Variants in ZSWIM1 observed in about 807,000 individuals in gnomAD.
The protein encoded by ZSWIM1 is zinc finger SWIM-type containing 1, also known as zinc finger SWIM domain-containing protein 1.
In ZSWIM1, 22 loss-of-function variants were observed where a neutral mutation model predicts 29.3. The ratio of observed to expected loss-of-function variants is 0.75; its 90% confidence interval spans 0.54 to 1.07. ZSWIM1 has a LOEUF of 1.07. ZSWIM1 is among the 50% of genes least tolerant of loss of function. The pLI is 0.00. For synonymous variants in ZSWIM1, 228 were observed against 240.8 expected (o/e 0.95, Z 0.49); for missense variants, 511 against 596.2 (o/e 0.86, Z 1.49).
rs1314299017 is a variant in ZSWIM1 at position 45,882,875 on chromosome 20, T to G, written c.283T>G (p.Phe95Val). ...CCCAAGGGGTAAGGTCTTATATACC[T>G]TCCTGGTGGATGGACCTCGGGTGCA... is the stretch of plus-strand genomic sequence containing the variant. ...YNPRGKVLYT[F>V]LVDGPRVQLE... is the part of the protein sequence containing the mutation. The change falls in exon 2 of 2, where the codon TTC (phenylalanine) becomes GTC (valine). Residue 95 changes from phenylalanine (F) to valine (V), a missense_variant. Physicochemically the swap from Phe to Val is conservative, Grantham distance 50. Coordinates refer to ENST00000372523, the MANE Select transcript of ZSWIM1 (RefSeq NM_080603.5). The G allele has an allele frequency of 1.2e-6, 2 of 1,614,230 alleles. No individual in the cohort carries two copies. Among genetic ancestry groups the G allele is most frequent in the Non-Finnish European group, 1.7e-6 (2 of 1,180,036 alleles).
chr20:45,883,593 G>T lies in ZSWIM1; in HGVS notation c.1001G>T (p.Cys334Phe). The change falls in exon 2 of 2, where the codon TGC becomes TTC. Residue 334 changes from cysteine (C) to phenylalanine (F), a missense_variant. Cys to Phe is a radical substitution (Grantham distance 205, BLOSUM62 -2). Transcript: ENST00000372523. ...ATCCAGCACTCCCTCAATGCCATCT[G>T]CACAGGGCCAGCAGCCCAACTGTGC... ...SHIQHSLNAI[C>F]TGPAAQLCLG... 1.2e-6 allele frequency: 2 copies of T among 1,614,248 alleles called. No individual in the cohort carries two copies. The highest frequency in any genetic ancestry group is 3.3e-5 in the Admixed American group (2 of 60,032).
At position 45,883,255 on chromosome 20, in the gene ZSWIM1, C is replaced by T; in HGVS notation, c.663C>T (p.Ile221=). ...TGTATACACTCCTGAGCAACTGCAT[C>T]CCTCCAGCCAAGCTGCCCGAGCTTC... ...RKLYTLLSNC[I]PPAKLPELHS... Residue 221 remains isoleucine (I), a synonymous_variant, in exon 2 of 2, where the codon ATC becomes ATT. Coordinates refer to ENST00000372523, the MANE Select transcript of ZSWIM1 (RefSeq NM_080603.5). The T allele has an allele frequency of 6.2e-7, 1 of 1,613,890 alleles. No homozygotes were observed. Among genetic ancestry groups the T allele is most frequent in the Non-Finnish European group, 8.5e-7 (1 of 1,180,048 alleles).
Position 45,883,570 on chromosome 20 carries a change from C to T in ZSWIM1, c.978C>T (p.Ile326=). ...PKLEQLVESH[I]QHSLNAICTG... ...TGGAGCAGCTGGTAGAATCCCACAT[C>T]CAGCACTCCCTCAATGCCATCTGCA... is the stretch of plus-strand genomic sequence containing the variant. Residue 326 remains isoleucine (I), a synonymous_variant, in exon 2 of 2, where the codon ATC becomes ATT. Transcript: ENST00000372523. 6.2e-7 allele frequency: 1 copy of T among 1,614,256 alleles called. No homozygotes were observed. The highest frequency in any genetic ancestry group is 8.5e-7 in the Non-Finnish European group (1 of 1,180,050).
In ZSWIM1 at chr20:45,883,581, T is replaced by A. The variant is rs1352250406; in HGVS notation, c.989T>A (p.Leu330His). ...GTAGAATCCCACATCCAGCACTCCC[T>A]CAATGCCATCTGCACAGGGCCAGCA... ...QLVESHIQHS[L>H]NAICTGPAAQ... Residue 330 changes from leucine to histidine, a missense_variant, in exon 2 of 2, where the codon CTC becomes CAC. Coordinates refer to ENST00000372523, the MANE Select transcript of ZSWIM1 (RefSeq NM_080603.5). 1 of 1,614,192 alleles carries A rather than the reference T, an allele frequency of 6.2e-7. No homozygotes were observed. Among genetic ancestry groups the A allele is most frequent in the Non-Finnish European group, 8.5e-7 (1 of 1,180,028 alleles).
intron 1 of ZSWIM1, 65 bp from the exon 2 acceptor site, chr20:45,882,468 G>T (rs1986293833): frequency 1.7e-6 from 2 of 1,156,762 alleles, no homozygotes; most frequent in Non-Finnish European, 1.2e-6. Flanking sequence ...AACAAATATT[G>T]TGTGGATGAA....
rs992609301 is a variant in ZSWIM1 at position 45,883,933 on chromosome 20, C to G, written c.1341C>G (p.Thr447=). The G allele has an allele frequency of 1.2e-6, 2 of 1,613,950 alleles. No homozygotes were observed. The highest frequency in any genetic ancestry group is 2.2e-5 in the East Asian group (1 of 44,900). The part of the protein sequence containing the change: ...LDKHLAVTHL[T]EEVGQLLQHC... ...AGCACCTGGCAGTGACTCACCTCAC[C>G]GAGGAGGTGGGTCAGCTGTTGCAGC... Residue 447 remains threonine (T), a synonymous_variant, in exon 2 of 2, where the codon ACC becomes ACG. Coordinates refer to ENST00000372523, the MANE Select transcript of ZSWIM1 (RefSeq NM_080603.5).
At position 45,882,857 on chromosome 20, in the gene ZSWIM1, GGTAAGGTC is replaced by G; in HGVS notation, c.266_273del (p.Gly89ValfsTer32). On this transcript the variant is annotated frameshift_variant, in exon 2 of 2. Transcript: ENST00000372523. LOFTEE classifies it high-confidence loss of function. ...TATCCACCGGACCTATAACCCAAGG[GGTAAGGTC>G]TTATATACCTTCCTGGTGGATGGAC... 6.2e-7 allele frequency: 1 copy of G among 1,614,198 alleles called. No homozygotes were observed.
chr20:45,884,003 G>A lies in ZSWIM1; in HGVS notation c.1411G>A (p.Glu471Lys). The A allele has an allele frequency of 6.2e-7, 1 of 1,613,908 alleles. No individual in the cohort carries two copies. The highest frequency in any genetic ancestry group is 8.5e-7 in the Non-Finnish European group (1 of 1,179,872). Residue 471 changes from glutamate to lysine, a missense_variant, in exon 2 of 2, where the codon GAA becomes AAA. Physicochemically the swap from Glu to Lys is moderately conservative, Grantham distance 56 (BLOSUM62 1). Transcript: ENST00000372523. Reference protein sequence around the residue: ...EFERRYSTLRELADSWIGPYE... With the variant: ...EFERRYSTLRKLADSWIGPYE... ...TGAGCGGAGGTATAGCACCCTGCGG[G>A]AACTGGCCGACAGCTGGATTGGGCC...
chr20:45,881,925 G>A (rs1046340575), intron 1 of ZSWIM1, among the ~76,000 whole-genome samples: 2 of 152,202 alleles, frequency 1.3e-5, no homozygotes, highest in African/African-American at 4.8e-5. Context: ...TCGGCTCACT[G>A]CAACCTCAGC....
rs780317364 is a variant in ZSWIM1, at chr20:45,882,616, G to A, written c.24G>A (p.Pro8=). ...TGATGCTTGAGAGACTCAAAGCCCC[G>A]TGGTCAGCTGCCCTGCAAAGAAAGT... is the stretch of plus-strand genomic sequence containing the variant. MLERLKA[P]WSAALQRKYF... is the part of the protein sequence containing the mutation. Residue 8 remains proline, a synonymous_variant, in exon 2 of 2, where the codon CCG becomes CCA. Coordinates refer to ENST00000372523, the MANE Select transcript of ZSWIM1 (RefSeq NM_080603.5). The A allele has an allele frequency of 2.0e-5, 32 of 1,613,918 alleles. No homozygotes were observed. Among genetic ancestry groups the A allele is most frequent in the Non-Finnish European group, 2.5e-5 (30 of 1,179,888 alleles).
chr20:45,883,477 C>T lies in ZSWIM1; in HGVS notation c.885C>T (p.Asn295=). 6 of 1,614,240 alleles carry T rather than the reference C, an allele frequency of 3.7e-6. No individual in the cohort carries two copies. The highest frequency in any genetic ancestry group is 5.1e-6 in the Non-Finnish European group (6 of 1,180,040). The change falls in exon 2 of 2, where the codon AAC becomes AAT. Residue 295 remains asparagine (N), a synonymous_variant. Transcript: ENST00000372523. ...AGCAGAACTCTGCAGACAAGGCAAA[C>T]TTCAACCAGGGCCTGTGTGCCCAGA... ...YMQQNSADKA[N]FNQGLCAQNN... is the part of the protein sequence containing the mutation.
In ZSWIM1 at chr20:45,883,366, C is replaced by G. The variant is rs116789871; in HGVS notation, c.774C>G (p.Leu258=). The G allele has an allele frequency of 1.2e-6, 2 of 1,614,108 alleles. No individual in the cohort carries two copies. The highest frequency in any genetic ancestry group is 1.7e-5 in the Admixed American group (1 of 60,008). The change falls in exon 2 of 2, where the codon CTC becomes CTG. Residue 258 remains leucine (L), a synonymous_variant. Coordinates refer to ENST00000372523, the MANE Select transcript of ZSWIM1 (RefSeq NM_080603.5). The stretch of plus-strand genomic sequence containing the variant: ...AGAGCAGCCACTACTTCCAGAGCCT[C>G]GAGGTCACCACCCACATCCTCAGCC... The part of the protein sequence containing the change: ...RAESSHYFQS[L]EVTTHILSQF...
At position 45,883,355 on chromosome 20, in the gene ZSWIM1, T is replaced by C; in HGVS notation, c.763T>C (p.Phe255Leu). 2 of 1,614,234 alleles carry C rather than the reference T, an allele frequency of 1.2e-6. No homozygotes were observed. Among genetic ancestry groups the C allele is most frequent in the Non-Finnish European group, 1.7e-6 (2 of 1,180,048 alleles). ...WRSRAESSHY[F>L]QSLEVTTHIL... ...AAGCCGAGCTGAGAGCAGCCACTAC[T>C]TCCAGAGCCTCGAGGTCACCACCCA... Residue 255 changes from phenylalanine to leucine, a missense_variant, in exon 2 of 2, where the codon TTC (phenylalanine) becomes CTC (leucine). Physicochemically the swap from Phe to Leu is conservative, Grantham distance 22 (BLOSUM62 0). Transcript: ENST00000372523.
Position 45,883,928 on chromosome 20 carries a change from C to T in ZSWIM1, c.1336C>T (p.Leu446Phe). ...GGATAAGCACCTGGCAGTGACTCAC[C>T]TCACCGAGGAGGTGGGTCAGCTGTT... Reference protein sequence around the residue: ...TLDKHLAVTHLTEEVGQLLQH... With the variant: ...TLDKHLAVTHFTEEVGQLLQH... Residue 446 changes from leucine to phenylalanine, a missense_variant, in exon 2 of 2, where the codon CTC (leucine) becomes TTC (phenylalanine). Physicochemically the swap from Leu to Phe is conservative, Grantham distance 22. Coordinates refer to ENST00000372523, the MANE Select transcript of ZSWIM1 (RefSeq NM_080603.5). 6.2e-7 allele frequency: 1 copy of T among 1,614,140 alleles called. No homozygotes were observed. The highest frequency in any genetic ancestry group is 8.5e-7 in the Non-Finnish European group (1 of 1,180,038).
At chr20:45,881,628 G>C (rs1986265868) in intron 1 of ZSWIM1, among the ~76,000 whole-genome samples, 1 of 152,214 alleles carries the variant, frequency 6.6e-6, no homozygotes, top group Non-Finnish European at 1.5e-5. Context: ...CAATGGAATA[G>C]AGTATTGCTG....
chr20:45,883,869 A>G lies in ZSWIM1; in HGVS notation c.1277A>G (p.Asp426Gly). ...ACGGCAGGCTGTGCTACCAGTCTAG[A>G]CAGCATCCTGGGCAGCAAGTGGAGT... ...QWTAGCATSLDSILGSKWSET... is the reference protein window; with the variant it reads ...QWTAGCATSLGSILGSKWSET... Residue 426 changes from aspartate to glycine, a missense_variant, in exon 2 of 2, where the codon GAC (aspartate) becomes GGC (glycine). Coordinates refer to ENST00000372523, the MANE Select transcript of ZSWIM1 (RefSeq NM_080603.5). 1 of 1,613,856 alleles carries G rather than the reference A, an allele frequency of 6.2e-7. No homozygotes were observed. The highest frequency in any genetic ancestry group is 8.5e-7 in the Non-Finnish European group (1 of 1,180,024).
rs760961585 is a variant in ZSWIM1, at chr20:45,882,970, C to G, written c.378C>G (p.Ala126=). ...IPAKEDTEGL[A]QMFQVFKKFN... ...CCAAGGAGGACACTGAAGGCCTGGC[C>G]CAGATGTTCCAAGTATTCAAGAAGT... The change falls in exon 2 of 2, where the codon GCC becomes GCG. Residue 126 remains alanine, a synonymous_variant. Coordinates refer to ENST00000372523, the MANE Select transcript of ZSWIM1 (RefSeq NM_080603.5). 1 of 1,614,122 alleles carries G rather than the reference C, an allele frequency of 6.2e-7. No individual in the cohort carries two copies. The highest frequency in any genetic ancestry group is 1.1e-5 in the South Asian group (1 of 91,078).
intron 1 of ZSWIM1, 128 bp from the exon 2 acceptor site, chr20:45,882,405 C>T: frequency 1.6e-6 from 1 of 640,652 alleles, no homozygotes; most frequent in Non-Finnish European, 2.6e-6. Context: ...TATTTGTTTA[C>T]ATGTTTATTG....
rs1986371519 is a variant in ZSWIM1 at position 45,883,663 on chromosome 20, C to T, written c.1071C>T (p.Gly357=). Reference sequence around the variant, plus strand: ...TCCAGAAATCCACACACCTCATTGGCTCTGGCTCAGAAAAGATGAACATAC... The same window carrying T: ...TCCAGAAATCCACACACCTCATTGGTTCTGGCTCAGAAAAGATGAACATAC... The part of the protein sequence containing the change: ...AVVQKSTHLI[G]SGSEKMNIQI... The change falls in exon 2 of 2, where the codon GGC becomes GGT. Residue 357 remains glycine (G), a synonymous_variant. Transcript: ENST00000372523. The T allele has an allele frequency of 2.5e-6, 4 of 1,614,200 alleles. No individual in the cohort carries two copies. The East Asian group carries it at 6.7e-5, about 27-fold the overall frequency.
Sources: allele counts gnomAD v4.1 joint callset (sites outside exome capture counted in the v4.1 genomes callset), GRCh38; gene constraint gnomAD v4.1.1; transcripts MANE v1.5; gene names NCBI Gene and HGNC (gene_info 2026-07-23, HGNC 2026-07-21).